The following LAMA2 variants were observed in gnomAD, a reference collection of about 807,000 sequenced individuals.
The protein encoded by LAMA2 is laminin subunit alpha-2.
Under a neutral mutation model 364.8 loss-of-function variants are expected in LAMA2, and 269 were observed. The ratio of observed to expected loss-of-function variants is 0.74; its 90% confidence interval spans 0.67 to 0.82. The LOEUF (loss-of-function observed/expected upper bound fraction) is 0.82. Ranked by LOEUF, LAMA2 falls within the 40% of genes least tolerant of loss-of-function variation. The pLI is 0.00. For missense variants in LAMA2, 3,807 were observed against 3,873.2 expected, an observed-to-expected ratio of 0.98 and a Z score of 0.45; for synonymous variants, 1,379 against 1,370.6, an observed-to-expected ratio of 1.01 and a Z score of -0.14.
At chr6:129,514,828 C>T (rs564499544) in intron 64 of LAMA2, among the ~76,000 whole-genome samples, 9 of 152,188 alleles carry the variant, frequency 5.9e-5, no homozygotes, top group South Asian at 2.1e-4. Flanking sequence ...AAGTTTCCTT[C>T]GTGGAGAGAT....
At chr6:129,227,590 C>A (rs1784388419) in intron 12 of LAMA2, among the ~76,000 whole-genome samples, 1 of 152,168 alleles carries the variant, frequency 6.6e-6, no homozygotes, top group South Asian at 2.1e-4. Flanking sequence ...TGCTGGAGGT[C>A]CACTCCAGAC....
intron 44 of LAMA2, among the ~76,000 whole-genome samples, chr6:129,445,068 C>A (rs1189826597): frequency 1.3e-5 from 2 of 152,088 alleles, no homozygotes; most frequent in African/African-American, 2.4e-5. Context: ...ATATGTAACA[C>A]AGGGTAATCA....
At chr6:129,410,667 G>T (rs1013905187) in intron 40 of LAMA2, among the ~76,000 whole-genome samples, 3 of 152,178 alleles carry the variant, frequency 2.0e-5, no homozygotes, top group Admixed American at 6.5e-5. Flanking sequence ...TGAATGGATG[G>T]ATAGGTGGAT....
At chr6:129,357,510 A>G (rs979522573) in intron 32 of LAMA2, among the ~76,000 whole-genome samples, 9 of 152,022 alleles carry the variant, frequency 5.9e-5, no homozygotes, top group African/African-American at 1.4e-4. Flanking sequence ...ATTCTAACAT[A>G]TATTTATTTA....
chr6:129,106,672 A>G (rs1583053120), intron 4 of LAMA2, among the ~76,000 whole-genome samples: 1 of 152,150 alleles, frequency 6.6e-6, no homozygotes, highest in East Asian at 1.9e-4. Flanking sequence ...AAATGTTTCA[A>G]CTCTGGTTGG....
chr6:129,446,994 C>T (rs913728350), intron 45 of LAMA2, among the ~76,000 whole-genome samples: 2 of 152,116 alleles, frequency 1.3e-5, no homozygotes, highest in Non-Finnish European at 2.9e-5. Flanking sequence ...ATATGAAAGC[C>T]AGGCAGTATC....
chr6:129,352,334 A>C (rs1018179471), intron 31 of LAMA2, among the ~76,000 whole-genome samples: 2 of 152,228 alleles, frequency 1.3e-5, no homozygotes, highest in Non-Finnish European at 2.9e-5. Flanking sequence ...AGAGTCAATT[A>C]ATGGACTGCA....
intron 49 of LAMA2, among the ~76,000 whole-genome samples, chr6:129,460,947 G>A (rs1305273986): frequency 6.6e-6 from 1 of 151,820 alleles, no homozygotes; most frequent in Non-Finnish European, 1.5e-5. Flanking sequence ...ATAAGATAGA[G>A]GGTAGAATGA....
At chr6:128,960,328 C>CTT (rs372898589) in intron 1 of LAMA2, among the ~76,000 whole-genome samples, 11 of 133,210 alleles carry the variant, frequency 8.3e-5, no homozygotes, top group South Asian at 2.4e-4. Flanking sequence ...TTTGATTACT[C>CTT]TTTTTTTTTT....
intron 21 of LAMA2, among the ~76,000 whole-genome samples, chr6:129,300,303 T>G (rs75994821): frequency 6.6e-6 from 1 of 152,204 alleles, no homozygotes; most frequent in Non-Finnish European, 1.5e-5. Flanking sequence ...ATTAAGCTTA[T>G]TGGTTTTTAC....
chr6:129,136,566 GA>G (rs1224865670), intron 4 of LAMA2, among the ~76,000 whole-genome samples: 266 of 134,772 alleles, frequency 2.0e-3, no homozygotes, highest in Middle Eastern at 3.9e-3. Flanking sequence ...TGACCAGCAG[GA>G]AAAAAAAAAA....
chr6:129,253,293 C>T (rs931606423), intron 14 of LAMA2, among the ~76,000 whole-genome samples: 2 of 152,180 alleles, frequency 1.3e-5, no homozygotes, highest in South Asian at 4.1e-4. Flanking sequence ...CCCAGCCTGA[C>T]AACCCGGTAT....
intron 22 of LAMA2, among the ~76,000 whole-genome samples, chr6:129,312,581 C>T (rs1192460411): frequency 6.6e-6 from 1 of 152,136 alleles, no homozygotes; most frequent in East Asian, 1.9e-4. Context: ...AACCCATACC[C>T]AGCCCCTCTC....
intron 1 of LAMA2, among the ~76,000 whole-genome samples, chr6:128,947,161 A>G (rs541798573): frequency 6.6e-6 from 1 of 152,306 alleles, no homozygotes; most frequent in South Asian, 2.1e-4. Flanking sequence ...GCCAGGGGTG[A>G]GGATACAAAG....
intron 51 of LAMA2, among the ~76,000 whole-genome samples, chr6:129,472,898 T>C (rs1334230762): frequency 6.6e-6 from 1 of 152,036 alleles, no homozygotes; most frequent in Admixed American, 6.6e-5. Context: ...CTTTATTTTC[T>C]AACTACTTAT....
chr6:129,056,753 T>C (rs1326122197), intron 2 of LAMA2, among the ~76,000 whole-genome samples: 1 of 152,180 alleles, frequency 6.6e-6, no homozygotes, highest in African/African-American at 2.4e-5. Flanking sequence ...AATTTTGAAA[T>C]GGAGTCTCAC....
chr6:129,401,045 C>T (rs1030990176), intron 37 of LAMA2, among the ~76,000 whole-genome samples, 179 bp from the exon 38 acceptor site: 1 of 152,236 alleles, frequency 6.6e-6, no homozygotes, highest in East Asian at 1.9e-4. Flanking sequence ...CAAGCCTCTA[C>T]ATAGAAGAAC....
chr6:128,940,973 A>G (rs1008919168), intron 1 of LAMA2, among the ~76,000 whole-genome samples: 3 of 152,110 alleles, frequency 2.0e-5, no homozygotes, highest in Non-Finnish European at 4.4e-5. Flanking sequence ...TTTAAATAAG[A>G]AAGTTTTAAT....
intron 15 of LAMA2, among the ~76,000 whole-genome samples, chr6:129,263,098 C>T (rs1390701243): frequency 6.6e-6 from 1 of 152,136 alleles, no homozygotes; most frequent in Admixed American, 6.6e-5. Context: ...TCAGTTTCTT[C>T]TTCCATGAAA....
Sources: allele counts gnomAD v4.1 joint callset (sites outside exome capture counted in the v4.1 genomes callset), GRCh38; gene constraint gnomAD v4.1.1; transcripts MANE v1.5; gene names NCBI Gene and HGNC (gene_info 2026-07-23, HGNC 2026-07-21).